The following PNMA6F variants were observed in gnomAD, a reference collection of about 807,000 sequenced individuals.
PNMA6F encodes paraneoplastic antigen Ma6F.
For synonymous variants in PNMA6F, 14 were observed against 3.4 expected (o/e 4.15, Z -3.45); for missense variants, 57 against 10.8 (o/e 5.25, Z -5.98).
rs73245854 is a variant in PNMA6F at position 153,318,537 on chromosome X, C to T, written c.*401G>A. 27,345 of 124,045 alleles carry T rather than the reference C, an allele frequency of 0.22. 2,289 individuals carry two copies. The highest frequency in any genetic ancestry group is 0.35 in the East Asian group (1,423 of 4,081). The allele number at this position is 124,045 out of a possible 1,213,427, so 10.2% of individuals were successfully genotyped here. A position where few individuals can be genotyped will look rare whatever the true frequency, so the allele number is the denominator to read the frequency against. ...TGAGTGGGCGTCTGCTGTTCGGACG[C>T]GTGGGTCACTATGGGGCCTACAGAG... On this transcript the variant is annotated 3_prime_UTR_variant, in exon 2 of 2. Coordinates refer to ENST00000436629, the MANE Select transcript of PNMA6F (RefSeq NM_001354980.2).
chrX:153,318,582 A>G lies in PNMA6F; in HGVS notation c.*356T>C. 6.9e-6 allele frequency: 1 copy of G among 145,914 alleles called. No individual in the cohort carries two copies. The highest frequency in any genetic ancestry group is 1.3e-5 in the Non-Finnish European group (1 of 74,550). 12.0% of individuals were successfully genotyped at this position (145,914 alleles called of 1,213,427 possible). A position where few individuals can be genotyped will look rare whatever the true frequency, so the allele number is the denominator to read the frequency against. On this transcript the variant is annotated 3_prime_UTR_variant, in exon 2 of 2. Transcript: ENST00000436629. Reference sequence around the variant, plus strand: ...ACAGAGGTGAGGGTGGGCTTCCCGGAACGGGGGGCAGTCTGCCCCAGGGAT... The same window carrying G: ...ACAGAGGTGAGGGTGGGCTTCCCGGGACGGGGGGCAGTCTGCCCCAGGGAT...
chrX:153,320,995 CACA>C (rs1467565303), intron 1 of PNMA6F, among the ~76,000 whole-genome samples: 3 of 108,925 alleles, frequency 2.8e-5, no homozygotes, highest in Admixed American at 1.9e-4. Flanking sequence ...CTTATCACAC[CACA>C]ACAAGTGCAC....
At chrX:153,321,224 C>G (rs1245778453) in intron 1 of PNMA6F, 1 of 106,571 alleles carries the variant, frequency 9.4e-6, no homozygotes, top group African/African-American at 3.4e-5. Context: ...CAGGAGCCCC[C>G]TCCCTCTTTT....
At chrX:153,321,235 G>A (rs1320683686) in intron 1 of PNMA6F, 1 of 90,509 alleles carries the variant, frequency 1.1e-5, no homozygotes, top group African/African-American at 4.2e-5. Context: ...TCCCTCTTTT[G>A]ATCTTCCTCT....
At position 153,318,876 on chromosome X, in the gene PNMA6F, CCT is replaced by C. The variant is rs2051974914; in HGVS notation, c.*60_*61del. The C allele has an allele frequency of 3.3e-6, 1 of 298,864 alleles. No individual in the cohort carries two copies. The allele number at this position is 298,864 out of a possible 1,213,427, so 24.6% of individuals were successfully genotyped here. On this transcript the variant is annotated 3_prime_UTR_variant, in exon 2 of 2. Transcript: ENST00000436629. ...GGGTGAGGGACCGGCCCTGGCCTGG[CCT>C]CTGTCTGCCTCCAGGGTGCTGCTGC... is the stretch of plus-strand genomic sequence containing the variant.
intron 1 of PNMA6F, chrX:153,321,075 A>G (rs1331379686): frequency 9.5e-6 from 1 of 104,981 alleles, no homozygotes; most frequent in Non-Finnish European, 2.0e-5. Context: ...CCCCTGCAAC[A>G]GGTAGCTCTT....
rs1556958358 is a variant in PNMA6F, at chrX:153,317,961, C to T, written c.*977G>A. On this transcript the variant is annotated 3_prime_UTR_variant, in exon 2 of 2. Coordinates refer to ENST00000436629, the MANE Select transcript of PNMA6F (RefSeq NM_001354980.2). The stretch of plus-strand genomic sequence containing the variant: ...TCCACTGGCTTCAGGGAGCCCCCTC[C>T]CGAGCCCATCCGCTGGGGCAGGGCC... The T allele has an allele frequency of 8.8e-6, 1 of 113,988 alleles. No homozygotes were observed. Among genetic ancestry groups the T allele is most frequent in the African/African-American group, 3.3e-5 (1 of 30,299 alleles). 9.4% of individuals were successfully genotyped at this position (113,988 alleles called of 1,213,427 possible). A position where few individuals can be genotyped will look rare whatever the true frequency, so the allele number is the denominator to read the frequency against.
rs906836538 is a variant in PNMA6F, at chrX:153,319,659, G to A, written c.1016C>T (p.Ser339Leu). 1.3e-5 allele frequency: 4 copies of A among 297,029 alleles called. No individual in the cohort carries two copies. Among genetic ancestry groups the A allele is most frequent in the South Asian group, 2.0e-4 (1 of 4,952 alleles). 24.5% of individuals were successfully genotyped at this position (297,029 alleles called of 1,213,427 possible). ...CGTGCAGGTCAGGAACTTCATCCGC[G>A]AGGTCATCCATGTATCCCGGCTCCT... Reference protein sequence around the residue: ...VFRSRDTWMTSRMKFLTCTQG... With the variant: ...VFRSRDTWMTLRMKFLTCTQG... Residue 339 changes from serine to leucine, a missense_variant, in exon 2 of 2, where the codon TCG (serine) becomes TTG (leucine). Coordinates refer to ENST00000436629, the MANE Select transcript of PNMA6F (RefSeq NM_001354980.2).
chrX:153,320,796 C>A, intron 1 of PNMA6F, 39 bp from the exon 2 acceptor site: 1 of 293,731 alleles, frequency 3.4e-6, no homozygotes, highest in Non-Finnish European at 5.9e-6. Flanking sequence ...ACGTTGCTGC[C>A]AATCAACCCA....
At chrX:153,321,030 G>T (rs1556958920) in intron 1 of PNMA6F, 1 of 107,700 alleles carries the variant, frequency 9.3e-6, no homozygotes, top group Non-Finnish European at 1.9e-5. Flanking sequence ...ACCATCATCT[G>T]TAACATTGCA....
At position 153,320,038 on chromosome X, in the gene PNMA6F, C is replaced by T. The variant is rs1177252861; in HGVS notation, c.637G>A (p.Gly213Arg). Residue 213 changes from glycine (G) to arginine (R), a missense_variant, in exon 2 of 2, where the codon GGA (glycine) becomes AGA (arginine). Gly to Arg is a moderately radical substitution (Grantham distance 125, BLOSUM62 -2). Transcript: ENST00000436629. ...AGEAGGAGEE[G>R]GEDEAGAAGE... ...GCAGCTCCTGCCTCATCTTCACCTC[C>T]TTCCTCACCTGCGCCTCCTGCCTCA... The T allele has an allele frequency of 7.9e-5, 28 of 352,996 alleles. No individual in the cohort carries two copies. The highest frequency in any genetic ancestry group is 7.3e-4 in the African/African-American group (27 of 36,960). The allele number at this position is 352,996 out of a possible 1,213,427, so 29.1% of individuals were successfully genotyped here. A position where few individuals can be genotyped will look rare whatever the true frequency, so the allele number is the denominator to read the frequency against.
In PNMA6F at chrX:153,319,506, C is replaced by T. The variant is rs972766306; in HGVS notation, c.1169G>A (p.Arg390Gln). The change falls in exon 2 of 2, where the codon CGG (arginine) becomes CAG (glutamine). Residue 390 changes from arginine (R) to glutamine (Q), a missense_variant. By Grantham distance (43) the Arg-to-Gln change is conservative. Transcript: ENST00000436629. The part of the protein sequence containing the change: ...NHLRLRQVLS[R>Q]ARPSEALQDT... ...CTGGAGTGCCTCGCTGGGGCGGGCCCGAGACAGCACCTGCCGCAGTCGCAG... is the reference window on the plus strand; with the variant it reads ...CTGGAGTGCCTCGCTGGGGCGGGCCTGAGACAGCACCTGCCGCAGTCGCAG... 7.1e-5 allele frequency: 21 copies of T among 296,984 alleles called. No individual in the cohort carries two copies. Among genetic ancestry groups the T allele is most frequent in the South Asian group, 2.0e-4 (1 of 4,955 alleles). 24.5% of individuals were successfully genotyped at this position (296,984 alleles called of 1,213,427 possible). A position where few individuals can be genotyped will look rare whatever the true frequency, so the allele number is the denominator to read the frequency against.
chrX:153,321,280 G>A (rs868986829), intron 1 of PNMA6F: 2 of 23,201 alleles, frequency 8.6e-5, no homozygotes, highest in South Asian at 1.8e-3. Context: ...ACCCCCCTCC[G>A]CGCCCCCCAC....
rs1227329512 is a variant in PNMA6F, at chrX:153,320,442, A to G, written c.233T>C (p.Ile78Thr). 3.4e-6 allele frequency: 1 copy of G among 297,663 alleles called. No individual in the cohort carries two copies. Among genetic ancestry groups the G allele is most frequent in the Non-Finnish European group, 5.9e-6 (1 of 170,567 alleles). 24.5% of individuals were successfully genotyped at this position (297,663 alleles called of 1,213,427 possible). Residue 78 changes from isoleucine (I) to threonine (T), a missense_variant, in exon 2 of 2, where the codon ATA (isoleucine) becomes ACA (threonine). Coordinates refer to ENST00000436629, the MANE Select transcript of PNMA6F (RefSeq NM_001354980.2). The stretch of plus-strand genomic sequence containing the variant: ...TTTCCAGGGTCCCCCTTTGCCTGCT[A>G]TTTGGCGGGGAATCAAGCTTTGGTT... ...GLNQSLIPRQ[I>T]AGKGGPWKVI...
At position 153,320,107 on chromosome X, in the gene PNMA6F, C is replaced by T; in HGVS notation, c.568G>A (p.Gly190Ser). ...GEAGGAGEAG[G>S]AGEEGGTGEE... is the part of the protein sequence containing the mutation. ...CCTGTACCTCCTTCCTCACCTGCACCTCCTGCCTCACCTGCACCTCCTGCC... is the reference window on the plus strand; with the variant it reads ...CCTGTACCTCCTTCCTCACCTGCACTTCCTGCCTCACCTGCACCTCCTGCC... The change falls in exon 2 of 2, where the codon GGT becomes AGT. Residue 190 changes from glycine (G) to serine (S), a missense_variant. Physicochemically the swap from Gly to Ser is moderately conservative, Grantham distance 56 (BLOSUM62 0). Coordinates refer to ENST00000436629, the MANE Select transcript of PNMA6F (RefSeq NM_001354980.2). The T allele has an allele frequency of 2.7e-6, 1 of 370,377 alleles. No homozygotes were observed. The allele number at this position is 370,377 out of a possible 1,213,427, so 30.5% of individuals were successfully genotyped here.
At position 153,318,766 on chromosome X, in the gene PNMA6F, A is replaced by G. The variant is rs1382504011; in HGVS notation, c.*172T>C. The G allele has an allele frequency of 1.0e-5, 3 of 293,936 alleles. No homozygotes were observed. Among genetic ancestry groups the G allele is most frequent in the East Asian group, 4.8e-5 (1 of 20,813 alleles). 24.2% of individuals were successfully genotyped at this position (293,936 alleles called of 1,213,427 possible). ...CAGGCCAGCTCCCCATTTGGTATCA[A>G]ACGTGGTCATCTGAGTCACTGGGAA... is the stretch of plus-strand genomic sequence containing the variant. On this transcript the variant is annotated 3_prime_UTR_variant, in exon 2 of 2. Coordinates refer to ENST00000436629, the MANE Select transcript of PNMA6F (RefSeq NM_001354980.2).
rs1054198906 is a variant in PNMA6F at position 153,319,587 on chromosome X, C to A, written c.1088G>T (p.Gly363Val). The A allele has an allele frequency of 3.0e-5, 9 of 297,179 alleles. No homozygotes were observed. The highest frequency in any genetic ancestry group is 1.4e-4 in the African/African-American group (5 of 36,804). The allele number at this position is 297,179 out of a possible 1,213,427, so 24.5% of individuals were successfully genotyped here. A position where few individuals can be genotyped will look rare whatever the true frequency, so the allele number is the denominator to read the frequency against. The change falls in exon 2 of 2, where the codon GGC becomes GTC. Residue 363 changes from glycine to valine, a missense_variant. Coordinates refer to ENST00000436629, the MANE Select transcript of PNMA6F (RefSeq NM_001354980.2). Reference protein sequence around the residue: ...GLFAFVVRLEGLLQKAVEKGA... With the variant: ...GLFAFVVRLEVLLQKAVEKGA... ...CTTCTCCACGGCCTTCTGCAGCAGG[C>A]CTTCCAGGCGCACCACGAAGGCAAA...
At position 153,319,558 on chromosome X, in the gene PNMA6F, C is replaced by T. The variant is rs1376876649; in HGVS notation, c.1117G>A (p.Ala373Thr). 1 of 298,329 alleles carries T rather than the reference C, an allele frequency of 3.4e-6. No homozygotes were observed. Among genetic ancestry groups the T allele is most frequent in the Non-Finnish European group, 5.9e-6 (1 of 170,538 alleles). The allele number at this position is 298,329 out of a possible 1,213,427, so 24.6% of individuals were successfully genotyped here. The change falls in exon 2 of 2, where the codon GCG becomes ACG. Residue 373 changes from alanine (A) to threonine (T), a missense_variant. By Grantham distance (58) the Ala-to-Thr change is moderately conservative. Coordinates refer to ENST00000436629, the MANE Select transcript of PNMA6F (RefSeq NM_001354980.2). ...GLLQKAVEKG[A>T]VHPAMANHLR... ...TGGTTGGCCATGGCTGGGTGGACCG[C>T]CCCCTTCTCCACGGCCTTCTGCAGC...
In PNMA6F at chrX:153,319,877, T is replaced by C. The variant is rs1556958715; in HGVS notation, c.798A>G (p.Glu266=). Residue 266 remains glutamate (E), a synonymous_variant, in exon 2 of 2, where the codon GAA becomes GAG. Transcript: ENST00000436629. ...FSGREQPGCV[E]ESFESWLEDA... ...CCTCCAACCAGCTCTCAAAGGACTC[T>C]TCCACGCAGCCTGGCTGCTCCCTCC... is the stretch of plus-strand genomic sequence containing the variant. The C allele has an allele frequency of 3.3e-6, 1 of 301,905 alleles. No individual in the cohort carries two copies. Among genetic ancestry groups the C allele is most frequent in the African/African-American group, 2.7e-5 (1 of 36,598 alleles). 24.9% of individuals were successfully genotyped at this position (301,905 alleles called of 1,213,427 possible).
Sources: allele counts gnomAD v4.1 joint callset (sites outside exome capture counted in the v4.1 genomes callset), GRCh38; gene constraint gnomAD v4.1.1; transcripts MANE v1.5; gene names NCBI Gene and HGNC (gene_info 2026-07-23, HGNC 2026-07-21).